SPMIP11: variants seen among roughly 807,000 people sequenced by gnomAD.
SPMIP11 encodes long intergenic non-protein coding RNA 935.
At chr12:48,768,603 GC>G in the SPMIP11 span, 2 of 1,614,070 alleles carry the variant, frequency 1.2e-6, no homozygotes, top group Non-Finnish European at 1.7e-6. Flanking sequence ...AACTGCTGGG[GC>G]CCCCATTGAG....
the SPMIP11 span, among the ~76,000 whole-genome samples, chr12:48,756,761 A>AT: frequency 1.5e-4 from 20 of 133,682 alleles, no homozygotes; most frequent in Admixed American, 2.9e-4. Context: ...GCAGAGATGG[A>AT]TTTTTTTTTC....
At chr12:48,733,513 T>A in the SPMIP11 span, among the ~76,000 whole-genome samples, 3 of 152,184 alleles carry the variant, frequency 2.0e-5, no homozygotes, top group African/African-American at 7.2e-5. Flanking sequence ...AAGTAAACAA[T>A]TTACAAATTT....
the SPMIP11 span, chr12:48,764,958 A>G: frequency 4.3e-6 from 3 of 702,896 alleles, no homozygotes; most frequent in Non-Finnish European, 7.8e-6. Context: ...ATGGATCCGG[A>G]GCCCACGCCA....
At chr12:48,755,309 T>C in the SPMIP11 span, among the ~76,000 whole-genome samples, 1 of 152,186 alleles carries the variant, frequency 6.6e-6, no homozygotes, top group African/African-American at 2.4e-5. Flanking sequence ...TATCTACTTA[T>C]CAACAAAGAC....
At chr12:48,744,145 G>A in the SPMIP11 span, among the ~76,000 whole-genome samples, 1 of 151,512 alleles carries the variant, frequency 6.6e-6, no homozygotes, top group East Asian at 2.0e-4. Context: ...CTACTCAGGA[G>A]GCCGAGGCAG....
At chr12:48,756,771 C>CTTTCTTT in the SPMIP11 span, among the ~76,000 whole-genome samples, 11 of 108,714 alleles carry the variant, frequency 1.0e-4, 1 homozygote, top group Non-Finnish European at 1.7e-4. Context: ...ATTTTTTTTT[C>CTTTCTTT]TTTTTTTCTT....
chr12:48,736,413 CAAAAAAAA>C, the SPMIP11 span, among the ~76,000 whole-genome samples: 6 of 71,818 alleles, frequency 8.4e-5, no homozygotes, highest in African/African-American at 1.6e-4. Flanking sequence ...GACTCTGTCT[CAAAAAAAA>C]AAAAAAAAAA....
At chr12:48,752,152 A>G in the SPMIP11 span, among the ~76,000 whole-genome samples, 1 of 152,288 alleles carries the variant, frequency 6.6e-6, no homozygotes, top group Admixed American at 6.5e-5. Context: ...GACCTAGCAC[A>G]TAAAACTTTA....
the SPMIP11 span, among the ~76,000 whole-genome samples, chr12:48,743,495 C>A: frequency 4.6e-5 from 7 of 152,160 alleles, no homozygotes; most frequent in Non-Finnish European, 8.8e-5. Context: ...TCACAACTCA[C>A]TTTTGGCAAG....
chr12:48,728,770 G>C, the SPMIP11 span, among the ~76,000 whole-genome samples: 1 of 148,686 alleles, frequency 6.7e-6, no homozygotes, highest in Non-Finnish European at 1.5e-5. Context: ...AGAGACCTAA[G>C]AGAGAACCAT....
chr12:48,728,707 C>CAAAAA, the SPMIP11 span, among the ~76,000 whole-genome samples: 4 of 70,960 alleles, frequency 5.6e-5, no homozygotes, highest in Non-Finnish European at 7.7e-5. Flanking sequence ...GACTCTGTCT[C>CAAAAA]AAAAAAAAAA....
the SPMIP11 span, among the ~76,000 whole-genome samples, chr12:48,757,731 C>T: frequency 9.3e-5 from 14 of 150,954 alleles, no homozygotes; most frequent in African/African-American, 2.2e-4. Flanking sequence ...CAGTGGCTCA[C>T]GCCTGTAATC....
At chr12:48,733,764 CTTTTTTTTTTTTTT>C in the SPMIP11 span, among the ~76,000 whole-genome samples, 1 of 82,898 alleles carries the variant, frequency 1.2e-5, no homozygotes, top group African/African-American at 4.7e-5. Context: ...AATGCAGATT[CTTTTTTTTTTTTTT>C]TTTTTTTTTG....
the SPMIP11 span, among the ~76,000 whole-genome samples, chr12:48,753,796 G>A: frequency 4.2e-5 from 6 of 142,976 alleles, no homozygotes; most frequent in East Asian, 2.4e-4. Flanking sequence ...CTGCCCCCCC[G>A]GGTTCAAGTG....
At chr12:48,769,358 G>A in the SPMIP11 span, among the ~76,000 whole-genome samples, 1 of 146,922 alleles carries the variant, frequency 6.8e-6, no homozygotes, top group African/African-American at 2.5e-5. Context: ...TGAGGCTACA[G>A]TGAGCTGTGA....
chr12:48,754,286 T>C, the SPMIP11 span, among the ~76,000 whole-genome samples: 1 of 151,968 alleles, frequency 6.6e-6, no homozygotes, highest in Non-Finnish European at 1.5e-5. Flanking sequence ...ATGCCTGTAG[T>C]CTCAACTACT....
the SPMIP11 span, among the ~76,000 whole-genome samples, chr12:48,754,172 A>C: frequency 6.6e-6 from 1 of 152,158 alleles, no homozygotes; most frequent in Non-Finnish European, 1.5e-5. Flanking sequence ...AGGCCGAGGC[A>C]GGAAGATTAT....
chr12:48,758,865 C>T, the SPMIP11 span, among the ~76,000 whole-genome samples: 5 of 152,330 alleles, frequency 3.3e-5, no homozygotes, highest in East Asian at 9.6e-4. Flanking sequence ...TGAAGTTCTG[C>T]AAATATGCCA....
the SPMIP11 span, among the ~76,000 whole-genome samples, chr12:48,741,162 G>A: frequency 3.3e-5 from 5 of 149,264 alleles, no homozygotes; most frequent in African/African-American, 7.4e-5. Flanking sequence ...AGGTTGAAGC[G>A]ATTCTCCTGC....
Sources: gnomAD v4.1 joint callset for allele counts (sites outside exome capture counted in the v4.1 genomes callset) on GRCh38, gnomAD v4.1.1 for gene constraint, MANE v1.5 for transcripts, NCBI Gene and HGNC (gene_info 2026-07-23, HGNC 2026-07-21) for gene names.